FIGN: variants seen among roughly 807,000 people sequenced by gnomAD.
The protein encoded by FIGN is fidgetin, microtubule severing factor.
Under a neutral mutation model 51.3 loss-of-function variants are expected in FIGN, and 11 were observed. That is an observed-to-expected ratio of 0.21 (90% confidence interval 0.13 to 0.35). The LOEUF (loss-of-function observed/expected upper bound fraction) is 0.35, where lower values mean the gene tolerates loss of function less well. FIGN is among the 10% of genes least tolerant of loss of function. The pLI is 1.00. For synonymous variants in FIGN, 407 were observed against 363.2 expected (o/e 1.12, Z -1.37); for missense variants, 857 against 943.6 (o/e 0.91, Z 1.20).
chr2:163,723,492 C>T (rs941556125), intron 2 of FIGN, among the ~76,000 whole-genome samples: 5 of 152,022 alleles, frequency 3.3e-5, no homozygotes, highest in African/African-American at 1.2e-4. Flanking sequence ...AAGTAGACGT[C>T]GAAATCAATC....
At chr2:163,664,387 T>G (rs1683740312) in intron 2 of FIGN, among the ~76,000 whole-genome samples, 1 of 152,224 alleles carries the variant, frequency 6.6e-6, no homozygotes, top group African/African-American at 2.4e-5. Context: ...CTTACATACC[T>G]GAAAGGTTAT....
chr2:163,611,992 T>A (rs1691274156), intron 2 of FIGN, among the ~76,000 whole-genome samples, 186 bp from the exon 3 acceptor site: 1 of 152,200 alleles, frequency 6.6e-6, no homozygotes, highest in African/African-American at 2.4e-5. Flanking sequence ...TGGACTAAAC[T>A]TCAGCCCTGT....
chr2:163,633,247 A>G (rs1475805575), intron 2 of FIGN, among the ~76,000 whole-genome samples: 1 of 152,186 alleles, frequency 6.6e-6, no homozygotes, highest in African/African-American at 2.4e-5. Context: ...GTTATGAAGT[A>G]TTAAGTTCTC....
chr2:163,657,767 A>C (rs1036970869), intron 2 of FIGN, among the ~76,000 whole-genome samples: 2 of 152,166 alleles, frequency 1.3e-5, no homozygotes, highest in African/African-American at 4.8e-5. Context: ...TTCATACTTC[A>C]ATAAAAAGAT....
chr2:163,625,039 C>G (rs1559000121), intron 2 of FIGN, among the ~76,000 whole-genome samples: 1 of 151,936 alleles, frequency 6.6e-6, no homozygotes, highest in Non-Finnish European at 1.5e-5. Flanking sequence ...TCTATTAGAG[C>G]TGGATTATAT....
chr2:163,695,781 C>T (rs537184662), intron 2 of FIGN, among the ~76,000 whole-genome samples: 2 of 152,274 alleles, frequency 1.3e-5, no homozygotes, highest in South Asian at 4.1e-4. Context: ...CATTTTCCCA[C>T]CCAGCAAAAT....
At chr2:163,685,917 T>C (rs562459843) in intron 2 of FIGN, among the ~76,000 whole-genome samples, 12 of 152,284 alleles carry the variant, frequency 7.9e-5, no homozygotes, top group African/African-American at 2.9e-4. Context: ...CATGAAAACA[T>C]CTGAAGACAA....
chr2:163,697,351 T>C (rs1684338705), intron 2 of FIGN, among the ~76,000 whole-genome samples: 1 of 151,988 alleles, frequency 6.6e-6, no homozygotes, highest in Non-Finnish European at 1.5e-5. Context: ...TTCCTCCGCC[T>C]TGGCCTCCTG....
chr2:163,677,373 A>G (rs1259410778), intron 2 of FIGN, among the ~76,000 whole-genome samples: 1 of 152,252 alleles, frequency 6.6e-6, no homozygotes, highest in Non-Finnish European at 1.5e-5. Context: ...CAATTAGCAC[A>G]GAATTCAGGG....
chr2:163,682,351 C>A (rs1398590308), intron 2 of FIGN, among the ~76,000 whole-genome samples: 1 of 152,018 alleles, frequency 6.6e-6, no homozygotes, highest in Non-Finnish European at 1.5e-5. Context: ...TTAGCAGGAG[C>A]ATAAAATAAC....
Position 163,680,191 on chromosome 2 carries a change from G to A in FIGN, c.25+54712C>T, listed in dbSNP as rs149181935. 6.6e-5 allele frequency among the ~76,000 whole-genome samples: 10 copies of A among 152,278 alleles called. No individual in the cohort carries two copies. The East Asian group carries it at 1.9e-3, about 29-fold the overall frequency. Reference sequence around the variant, plus strand: ...TAGGCATACAAAGACAGTATTGGGTGTACACATTAAAATTAACAGTTTATC... The same window carrying A: ...TAGGCATACAAAGACAGTATTGGGTATACACATTAAAATTAACAGTTTATC... On this transcript the variant is annotated intron_variant, in intron 2 of 2. Transcript: ENST00000333129.
chr2:163,721,965 A>T (rs1243026640), intron 2 of FIGN, among the ~76,000 whole-genome samples: 1 of 152,188 alleles, frequency 6.6e-6, no homozygotes, highest in Non-Finnish European at 1.5e-5. Flanking sequence ...TGCCTAACTC[A>T]TTATAATTTA....
intron 2 of FIGN, among the ~76,000 whole-genome samples, chr2:163,630,544 G>C (rs1270689567): frequency 6.6e-6 from 1 of 151,798 alleles, no homozygotes; most frequent in Non-Finnish European, 1.5e-5. Flanking sequence ...ACCACCATGA[G>C]AAAATCACCA....
At chr2:163,665,002 T>G (rs544516486) in intron 2 of FIGN, among the ~76,000 whole-genome samples, 1 of 152,316 alleles carries the variant, frequency 6.6e-6, no homozygotes, top group African/African-American at 2.4e-5. Flanking sequence ...ACTATAGTTT[T>G]GTATAGTAAT....
intron 2 of FIGN, among the ~76,000 whole-genome samples, chr2:163,676,418 T>C (rs1287023833): frequency 7.8e-6 from 1 of 128,964 alleles, no homozygotes; most frequent in Non-Finnish European, 1.6e-5. Context: ...AATTAAAACA[T>C]CTCATGGATT....
chr2:163,657,462 G>A (rs1187961226), intron 2 of FIGN, among the ~76,000 whole-genome samples: 2 of 151,780 alleles, frequency 1.3e-5, no homozygotes, highest in Non-Finnish European at 2.9e-5. Flanking sequence ...CTCACATAAT[G>A]TTGGGGGTGT....
At chr2:163,618,215 T>A (rs2105303786) in intron 2 of FIGN, among the ~76,000 whole-genome samples, 1 of 152,282 alleles carries the variant, frequency 6.6e-6, no homozygotes, top group South Asian at 2.1e-4. Flanking sequence ...AACTAAGAAA[T>A]AAAGTACTTA....
chr2:163,618,610 C>CA (rs951665664), intron 2 of FIGN, among the ~76,000 whole-genome samples: 128 of 146,182 alleles, frequency 8.8e-4, no homozygotes, highest in East Asian at 2.0e-3. Context: ...AGATCCGTCT[C>CA]AAAAAAAAAA....
chr2:163,650,203 T>C (rs536097217), intron 2 of FIGN, among the ~76,000 whole-genome samples: 228 of 152,228 alleles, frequency 1.5e-3, no homozygotes, highest in Non-Finnish European at 2.7e-3. Context: ...TCATCATTAT[T>C]ATTGAATCGA....
Sources: allele counts gnomAD v4.1 joint callset (sites outside exome capture counted in the v4.1 genomes callset), GRCh38; gene constraint gnomAD v4.1.1; transcripts MANE v1.5; gene names NCBI Gene and HGNC (gene_info 2026-07-23, HGNC 2026-07-21).